CHD5: variants seen among roughly 807,000 people sequenced by gnomAD.
The protein encoded by CHD5 is chromodomain helicase DNA binding protein 5, also known as ATP-dependent chromatin remodeler CHD5.
In CHD5, 69 loss-of-function variants were observed where a neutral mutation model predicts 230.3. That is an observed-to-expected ratio of 0.30 (90% CI 0.25 to 0.37). The LOEUF is 0.37. CHD5 is among the 10% of genes least tolerant of loss of function. CHD5 has a pLI of 1.00. For synonymous variants in CHD5, 1,064 were observed against 1,065.9 expected (o/e 1.00, Z 0.03); for missense variants, 1,827 against 2,622.8 (o/e 0.70, Z 6.63).
At chr1:6,164,526 C>T in intron 2 of CHD5, among the ~76,000 whole-genome samples, 1 of 152,198 alleles carries the variant, frequency 6.6e-6, no homozygotes, top group East Asian at 1.9e-4. Context: ...CCGGCCTCCC[C>T]CCACTAACAA....
At chr1:6,123,194 C>T (rs1666498104) in intron 31 of CHD5, among the ~76,000 whole-genome samples, 1 of 152,194 alleles carries the variant, frequency 6.6e-6, no homozygotes, top group Admixed American at 6.5e-5. Flanking sequence ...GGCTGAGTGA[C>T]AGAAGCCAGA....
At chr1:6,114,308 A>T (rs1337148435) in intron 33 of CHD5, among the ~76,000 whole-genome samples, 1 of 152,048 alleles carries the variant, frequency 6.6e-6, no homozygotes, top group East Asian at 1.9e-4. Context: ...AAACCCAGAA[A>T]ACAATGATCC....
rs1666915026 is a variant in CHD5 at position 6,146,577 on chromosome 1, G to A, written c.1590+88C>T. 1.4e-6 allele frequency: 2 copies of A among 1,461,194 alleles called. No individual in the cohort carries two copies. The highest frequency in any genetic ancestry group is 1.2e-5 in the South Asian group (1 of 86,640). The allele number at this position is 1,461,194 out of a possible 1,614,324, so 90.5% of individuals were successfully genotyped here. On this transcript the variant is annotated intron_variant, in intron 10 of 41. Transcript: ENST00000262450. This position sits in a 1 kb window ranked among gnomAD's most constrained non-coding sequence, Gnocchi z 5.1. ...CTCCCAACAGCACCCCTCAGTCAGA[G>A]GCGCTTCAGCCCCTTCCCGCCAGCC...
At position 6,134,670 on chromosome 1, in the gene CHD5, T is replaced by G. The variant is rs780432045; in HGVS notation, c.3012+48A>C. On this transcript the variant is annotated intron_variant, in intron 19 of 41. Transcript: ENST00000262450. The surrounding 1 kb of genome is among the most constrained non-coding windows in gnomAD (Gnocchi z 6.3). ...ACCTACCATGGCGGCCACAGGCACC[T>G]ACCATGGCGGTCATGGAGAAGCTGC... is the stretch of plus-strand genomic sequence containing the variant. The G allele has an allele frequency of 6.3e-7, 1 of 1,589,008 alleles. No homozygotes were observed.
intron 1 of CHD5, among the ~76,000 whole-genome samples, chr1:6,174,295 G>A (rs1347306437): frequency 6.6e-6 from 1 of 152,156 alleles, no homozygotes; most frequent in Non-Finnish European, 1.5e-5. Flanking sequence ...ATAAGCAAAA[G>A]CCCAGAAAGT....
rs561828629 is a variant in CHD5 at position 6,105,140 on chromosome 1, A to C, written c.*334T>G. The stretch of plus-strand genomic sequence containing the variant: ...AGACAAACGTGTTCAAGTCTTCAAT[A>C]GGAAAGTGCAAAAGATGTACAAATA... On this transcript the variant is annotated 3_prime_UTR_variant, in exon 42 of 42. Transcript: ENST00000262450. This position sits in a 1 kb window ranked among gnomAD's most constrained non-coding sequence, Gnocchi z 4.8. 2 of 339,286 alleles carry C rather than the reference A, an allele frequency of 5.9e-6. No individual in the cohort carries two copies. Among genetic ancestry groups the C allele is most frequent in the East Asian group, 1.6e-4 (2 of 12,418 alleles). 21.0% of individuals were successfully genotyped at this position (339,286 alleles called of 1,614,324 possible). A position where few individuals can be genotyped will look rare whatever the true frequency, so the allele number is the denominator to read the frequency against.
chr1:6,143,449 T>C (rs1666861119), intron 13 of CHD5, among the ~76,000 whole-genome samples: 1 of 152,074 alleles, frequency 6.6e-6, no homozygotes, highest in African/African-American at 2.4e-5. Flanking sequence ...GGCCAGGCCC[T>C]CCGTGTTCTG....
intron 7 of CHD5, 71 bp downstream of exon 7, chr1:6,150,960 GA>G (rs1340591059): frequency 2.1e-5 from 30 of 1,417,560 alleles, no homozygotes; most frequent in Non-Finnish European, 2.8e-5. Context: ...GAACCGTCCA[GA>G]TGGGGAGTCC....
chr1:6,155,769 AC>A lies in CHD5; in HGVS notation c.388-53del. On this transcript the variant is annotated intron_variant, in intron 3 of 41. Transcript: ENST00000262450. The surrounding 1 kb of genome is among the most constrained non-coding windows in gnomAD (Gnocchi z 4.0). ...GTTGTTGAGGGGCCTTCTGACCTGC[AC>A]CCCCATCCCCAGGGTCTCTGCCTAG... 7.1e-7 allele frequency: 1 copy of A among 1,402,932 alleles called. No individual in the cohort carries two copies. Among genetic ancestry groups the A allele is most frequent in the Non-Finnish European group, 1.0e-6 (1 of 990,800 alleles). The allele number at this position is 1,402,932 out of a possible 1,614,324, so 86.9% of individuals were successfully genotyped here.
rs530942911 is a variant in CHD5 at position 6,173,132 on chromosome 1, T to C, written c.80-4855A>G. On this transcript the variant is annotated intron_variant, in intron 1 of 41. Transcript: ENST00000262450. The stretch of plus-strand genomic sequence containing the variant: ...TCTTTTTTTTTTTTTTTAGACGGAC[T>C]CTCGCTCTGTCACCCAGGCTGGAGT... 8.1e-5 allele frequency among the ~76,000 whole-genome samples: 12 copies of C among 148,166 alleles called. No homozygotes were observed. In the East Asian group the frequency reaches 2.2e-3, roughly 27 times the overall value.
At chr1:6,152,800 G>C (rs1429287449) in intron 5 of CHD5, among the ~76,000 whole-genome samples, 2 of 152,194 alleles carry the variant, frequency 1.3e-5, no homozygotes, top group Non-Finnish European at 2.9e-5. Context: ...CAGAAATGTG[G>C]CCCTTTTGGG....
At chr1:6,113,202 T>C (rs1055793604) in intron 33 of CHD5, 2 of 559,838 alleles carry the variant, frequency 3.6e-6, no homozygotes, top group African/African-American at 3.8e-5. Flanking sequence ...GGCAGGAGGA[T>C]CACTTCAGAC....
rs1667128342 is a variant in CHD5, at chr1:6,159,201, C to T, written c.387+135G>A. 3 of 1,454,898 alleles carry T rather than the reference C, an allele frequency of 2.1e-6. No homozygotes were observed. The African/African-American group carries it at 4.3e-5, about 21-fold the overall frequency. 90.1% of individuals were successfully genotyped at this position (1,454,898 alleles called of 1,614,324 possible). A position where few individuals can be genotyped will look rare whatever the true frequency, so the allele number is the denominator to read the frequency against. On this transcript the variant is annotated intron_variant, in intron 3 of 41. Transcript: ENST00000262450. ...GAGCCGAGGTCACGCCACTGCACTC[C>T]AGCCTGGCAACAGAGTGAGACTCCA...
chr1:6,144,774 G>A (rs894222877), intron 11 of CHD5, among the ~76,000 whole-genome samples: 19 of 152,332 alleles, frequency 1.2e-4, no homozygotes, highest in African/African-American at 4.1e-4. Flanking sequence ...GGGCCGGGCT[G>A]GGGCTTGACT....
In CHD5 at chr1:6,151,119, TGTCGAA is replaced by T. The variant is rs775095649; in HGVS notation, c.901_906del (p.Phe301_Asp302del). On this transcript the variant is annotated inframe_deletion, in exon 7 of 42. Coordinates refer to ENST00000262450, the MANE Select transcript of CHD5 (RefSeq NM_015557.3). ...ACGGAGGCACTGTGGATGCTGGCGC[TGTCGAA>T]GTCCGACTCCTCCCTCTCATCTTCT... 1 of 1,610,124 alleles carries T rather than the reference TGTCGAA, an allele frequency of 6.2e-7. No individual in the cohort carries two copies. Among genetic ancestry groups the T allele is most frequent in the Non-Finnish European group, 8.5e-7 (1 of 1,177,966 alleles).
rs1275521230 is a variant in CHD5 at position 6,119,867 on chromosome 1, T to A, written c.4912+1238A>T. ...TGTGTGTATTATATATATATATATT[T>A]TTTTTTTTTCTGAGATTGAGTCCCT... On this transcript the variant is annotated intron_variant, in intron 33 of 41. Coordinates refer to ENST00000262450, the MANE Select transcript of CHD5 (RefSeq NM_015557.3). 2.8e-3 allele frequency among the ~76,000 whole-genome samples: 273 copies of A among 98,868 alleles called. 1 individual carries two copies. Among genetic ancestry groups the A allele is most frequent in the African/African-American group, 8.9e-3 (225 of 25,320 alleles). The allele number at this position is 98,868 out of a possible 152,430, so 64.9% of individuals were successfully genotyped here.
At position 6,102,054 on chromosome 1, in the gene CHD5, G is replaced by A. The variant is rs762310417; in HGVS notation, c.*3420C>T. ...GGGGCTGTGCCTGGGGAAAGGGGTC[G>A]GCCCCCTCTTAGCTGGGCCTGGGCC... On this transcript the variant is annotated 3_prime_UTR_variant, in exon 42 of 42. Transcript: ENST00000262450. The A allele has an allele frequency of 1.3e-5, 5 of 396,350 alleles. No homozygotes were observed. The highest frequency in any genetic ancestry group is 7.7e-5 in the Admixed American group (2 of 25,868). The allele number at this position is 396,350 out of a possible 1,614,324, so 24.6% of individuals were successfully genotyped here.
rs1251766086 is a variant in CHD5 at position 6,174,990 on chromosome 1, GA to G, written c.79+4954del. Among the ~76,000 whole-genome samples the G allele has an allele frequency of 6.2e-3, 934 of 150,996 alleles. 16 individuals carry two copies. Among genetic ancestry groups the G allele is most frequent in the African/African-American group, 0.022 (882 of 40,970 alleles). On this transcript the variant is annotated intron_variant, in intron 1 of 41. Transcript: ENST00000262450. Reference sequence around the variant, plus strand: ...TGGATGAAGGATGGATGGATGGATGGATGGATGGCAGATGGATGGCTGAATG... The same window carrying G: ...TGGATGAAGGATGGATGGATGGATGGTGGATGGCAGATGGATGGCTGAATG...
At chr1:6,164,426 C>T (rs1667221932) in intron 2 of CHD5, among the ~76,000 whole-genome samples, 1 of 152,244 alleles carries the variant, frequency 6.6e-6, no homozygotes. Flanking sequence ...CCTGCGCTCG[C>T]TAGGGTCTGA....
Sources: allele counts gnomAD v4.1 joint callset (sites outside exome capture counted in the v4.1 genomes callset), GRCh38; gene constraint gnomAD v4.1.1; non-coding constraint Gnocchi (gnomAD v3.1); transcripts MANE v1.5; gene names NCBI Gene and HGNC (gene_info 2026-07-23, HGNC 2026-07-21).